The following MTLN variants were observed in gnomAD, a reference collection of about 807,000 sequenced individuals.
MTLN encodes TP53-inhibiting lncRNA.
At chr2:110,211,721 G>A (rs1280354731) in intron 1 of MTLN, 99 bp from the exon 2 acceptor site, 2 of 152,092 alleles carry the variant, frequency 1.3e-5, no homozygotes, top group African/African-American at 4.8e-5. Context: ...TCTGGTTTAC[G>A]ACAAGAAAAC....
intron 1 of MTLN, among the ~76,000 whole-genome samples, chr2:110,211,878 G>A (rs1686108322): frequency 6.6e-6 from 1 of 152,180 alleles, no homozygotes; most frequent in Non-Finnish European, 1.5e-5. Flanking sequence ...TCGCCAAGGC[G>A]AAGATGTGCT....
At chr2:110,211,753 T>C (rs1165614182) in intron 1 of MTLN, 131 bp from the exon 2 acceptor site, 3 of 152,150 alleles carry the variant, frequency 2.0e-5, no homozygotes, top group Admixed American at 6.5e-5. Context: ...AAATTGATCA[T>C]GCACAGCTCT....
Position 110,212,267 on chromosome 2 carries a change from G to A in MTLN, c.*88C>T. The stretch of plus-strand genomic sequence containing the variant: ...CAGGCGGGGACTGTGTGGCAAGCCT[G>A]GTTCTGGGCGCCGGCGGACCGGGGC... On this transcript the variant is annotated 3_prime_UTR_variant, in exon 1 of 2. Coordinates refer to ENST00000611969, the MANE Select transcript of MTLN (RefSeq NM_001384134.1). The A allele has an allele frequency of 2.5e-6, 1 of 398,450 alleles. No homozygotes were observed. Among genetic ancestry groups the A allele is most frequent in the Non-Finnish European group, 4.4e-6 (1 of 226,188 alleles). The allele number at this position is 398,450 out of a possible 1,614,324, so 24.7% of individuals were successfully genotyped here. A position where few individuals can be genotyped will look rare whatever the true frequency, so the allele number is the denominator to read the frequency against.
chr2:110,212,051 C>T (rs1686111037), intron 1 of MTLN, among the ~76,000 whole-genome samples, 164 bp downstream of exon 1: 1 of 152,152 alleles, frequency 6.6e-6, no homozygotes, highest in African/African-American at 2.4e-5. Flanking sequence ...CCCAGTGAAC[C>T]AAACCAAGAT....
At chr2:110,212,012 G>A (rs751965500) in intron 1 of MTLN, among the ~76,000 whole-genome samples, 1 of 152,140 alleles carries the variant, frequency 6.6e-6, no homozygotes, top group Non-Finnish European at 1.5e-5. Context: ...CGACGACATA[G>A]CACGTTGGTA....
At chr2:110,212,049 A>T (rs1686110960) in intron 1 of MTLN, among the ~76,000 whole-genome samples, 166 bp downstream of exon 1, 1 of 152,208 alleles carries the variant, frequency 6.6e-6, no homozygotes, top group African/African-American at 2.4e-5. Context: ...CACCCAGTGA[A>T]CCAAACCAAG....
chr2:110,211,704 C>T (rs1686105665), intron 1 of MTLN, 82 bp from the exon 2 acceptor site: 1 of 152,064 alleles, frequency 6.6e-6, no homozygotes, highest in Admixed American at 6.6e-5. Context: ...AACCATGAAC[C>T]ATAAGATCTG....
intron 1 of MTLN, 99 bp downstream of exon 1, chr2:110,212,116 G>A (rs1037002234): frequency 2.4e-5 from 9 of 371,782 alleles, no homozygotes; most frequent in African/African-American, 1.7e-4. Context: ...GTGTCTGTGG[G>A]AACAAGTCCT....
rs1434726293 is a variant in MTLN, at chr2:110,212,385, C to T, written c.141G>A (p.Ala47=). 2.5e-6 allele frequency: 1 copy of T among 399,160 alleles called. No individual in the cohort carries two copies. The highest frequency in any genetic ancestry group is 4.4e-6 in the Non-Finnish European group (1 of 226,302). 24.7% of individuals were successfully genotyped at this position (399,160 alleles called of 1,614,324 possible). A position where few individuals can be genotyped will look rare whatever the true frequency, so the allele number is the denominator to read the frequency against. Reference sequence around the variant, plus strand: ...CCAGGTCCAGCTTCTTCTGCGTCGCCGCCAGCTTGTCCTGCAGCCTCCTTT... The same window carrying T: ...CCAGGTCCAGCTTCTTCTGCGTCGCTGCCAGCTTGTCCTGCAGCCTCCTTT... ...WRKRRLQDKL[A]ATQKKLDLA is the part of the protein sequence containing the mutation. Residue 47 remains alanine (A), a synonymous_variant, in exon 1 of 2, where the codon GCG becomes GCA. Coordinates refer to ENST00000611969, the MANE Select transcript of MTLN (RefSeq NM_001384134.1).
rs555317647 is a variant in MTLN, at chr2:110,211,575, CAAG to C, written c.*185_*187del. On this transcript the variant is annotated 3_prime_UTR_variant, in exon 2 of 2. Transcript: ENST00000611969. ...AAAAATAAAATTGATTCATAAAGTG[CAAG>C]AAGAAGTCATTTCTTTCCGGTAGTC... 5.3e-4 allele frequency: 80 copies of C among 152,108 alleles called. No individual in the cohort carries two copies. The highest frequency in any genetic ancestry group is 3.4e-3 in the Middle Eastern group (1 of 292). The allele number at this position is 152,108 out of a possible 1,614,324, so 9.4% of individuals were successfully genotyped here. A position where few individuals can be genotyped will look rare whatever the true frequency, so the allele number is the denominator to read the frequency against.
Position 110,212,220 on chromosome 2 carries a change from C to G in MTLN, c.*135G>C. ...TCACTATGTGTACTGCTCACCAACACTCCAGGAAGAGCCGGCCATGGCAGG... is the reference window on the plus strand; with the variant it reads ...TCACTATGTGTACTGCTCACCAACAGTCCAGGAAGAGCCGGCCATGGCAGG... On this transcript the variant is annotated 3_prime_UTR_variant, in exon 1 of 2. Transcript: ENST00000611969. The G allele has an allele frequency of 2.5e-6, 1 of 397,684 alleles. No individual in the cohort carries two copies. Among genetic ancestry groups the G allele is most frequent in the Non-Finnish European group, 4.4e-6 (1 of 225,784 alleles). The allele number at this position is 397,684 out of a possible 1,614,324, so 24.6% of individuals were successfully genotyped here.
rs763491634 is a variant in MTLN at position 110,212,512 on chromosome 2, G to A, written c.14C>T (p.Ser5Leu). 1.8e-5 allele frequency: 7 copies of A among 398,826 alleles called. No homozygotes were observed. Among genetic ancestry groups the A allele is most frequent in the East Asian group, 1.1e-4 (3 of 28,086 alleles). 24.7% of individuals were successfully genotyped at this position (398,826 alleles called of 1,614,324 possible). A position where few individuals can be genotyped will look rare whatever the true frequency, so the allele number is the denominator to read the frequency against. MADVSERTLQLSVLV... is the reference protein window; with the variant it reads MADVLERTLQLSVLV... ...CACGGACAACTGCAGTGTCCTCTCT[G>A]ACACATCCGCCATGGCTGCCGCCGG... The change falls in exon 1 of 2, where the codon TCA (serine) becomes TTA (leucine). Residue 5 changes from serine (S) to leucine (L), a missense_variant. By Grantham distance (145) the Ser-to-Leu change is moderately radical (BLOSUM62 -2). Coordinates refer to ENST00000611969, the MANE Select transcript of MTLN (RefSeq NM_001384134.1).
chr2:110,212,533 G>T lies in MTLN; in HGVS notation c.-8C>A, dbSNP rs1030208650. On this transcript the variant is annotated 5_prime_UTR_variant, in exon 1 of 2. Coordinates refer to ENST00000611969, the MANE Select transcript of MTLN (RefSeq NM_001384134.1). ...CTCTGACACATCCGCCATGGCTGCC[G>T]CCGGCGTGCAGCGCGGTCTACGGCG... 1.9e-4 allele frequency: 77 copies of T among 398,914 alleles called. No homozygotes were observed. The highest frequency in any genetic ancestry group is 1.4e-3 in the African/African-American group (70 of 48,736). 24.7% of individuals were successfully genotyped at this position (398,914 alleles called of 1,614,324 possible). A position where few individuals can be genotyped will look rare whatever the true frequency, so the allele number is the denominator to read the frequency against.
Position 110,212,490 on chromosome 2 carries a change from G to C in MTLN, c.36C>G (p.Ser12=). The C allele has an allele frequency of 2.5e-6, 1 of 398,952 alleles. No individual in the cohort carries two copies. The highest frequency in any genetic ancestry group is 4.4e-6 in the Non-Finnish European group (1 of 226,008). The allele number at this position is 398,952 out of a possible 1,614,324, so 24.7% of individuals were successfully genotyped here. A position where few individuals can be genotyped will look rare whatever the true frequency, so the allele number is the denominator to read the frequency against. The change falls in exon 1 of 2, where the codon TCC becomes TCG. Residue 12 remains serine, a synonymous_variant. Coordinates refer to ENST00000611969, the MANE Select transcript of MTLN (RefSeq NM_001384134.1). The stretch of plus-strand genomic sequence containing the variant: ...CTCCAGAAGCGAAGGCTACTAGCAC[G>C]GACAACTGCAGTGTCCTCTCTGACA... ...ADVSERTLQL[S]VLVAFASGVL...
intron 1 of MTLN, among the ~76,000 whole-genome samples, chr2:110,211,848 A>AT (rs1388222467): frequency 6.6e-6 from 1 of 152,216 alleles, no homozygotes; most frequent in Non-Finnish European, 1.5e-5. Flanking sequence ...CAACCTAAGA[A>AT]TTCAGTTTGG....
intron 1 of MTLN, among the ~76,000 whole-genome samples, 171 bp downstream of exon 1, chr2:110,212,044 A>C (rs1286234473): frequency 1.3e-5 from 2 of 152,204 alleles, no homozygotes; most frequent in Non-Finnish European, 2.9e-5. Context: ...TTAAACACCC[A>C]GTGAACCAAA....
Position 110,212,530 on chromosome 2 carries a change from G to A in MTLN, c.-5C>T, listed in dbSNP as rs1217394167. The A allele has an allele frequency of 2.5e-6, 1 of 398,934 alleles. No homozygotes were observed. 24.7% of individuals were successfully genotyped at this position (398,934 alleles called of 1,614,324 possible). On this transcript the variant is annotated 5_prime_UTR_variant, in exon 1 of 2. Transcript: ENST00000611969. ...CCTCTCTGACACATCCGCCATGGCT[G>A]CCGCCGGCGTGCAGCGCGGTCTACG... is the stretch of plus-strand genomic sequence containing the variant.
rs1002213443 is a variant in MTLN, at chr2:110,212,199, T to A, written c.*140+16A>T. ...CCAAAGTCTCCCTTTGCAATGTCAC[T>A]ATGTGTACTGCTCACCAACACTCCA... On this transcript the variant is annotated intron_variant, in intron 1 of 1. Coordinates refer to ENST00000611969, the MANE Select transcript of MTLN (RefSeq NM_001384134.1). 1.5e-5 allele frequency: 6 copies of A among 396,710 alleles called. No homozygotes were observed. The highest frequency in any genetic ancestry group is 1.2e-4 in the African/African-American group (6 of 48,550). 24.6% of individuals were successfully genotyped at this position (396,710 alleles called of 1,614,324 possible).
At chr2:110,211,762 C>G (rs1686106631) in intron 1 of MTLN, 140 bp from the exon 2 acceptor site, 1 of 152,184 alleles carries the variant, frequency 6.6e-6, no homozygotes, top group Non-Finnish European at 1.5e-5. Context: ...ATGCACAGCT[C>G]TTCTGAAGAG....
Sources: gnomAD v4.1 joint callset for allele counts (sites outside exome capture counted in the v4.1 genomes callset) on GRCh38, gnomAD v4.1.1 for gene constraint, MANE v1.5 for transcripts, NCBI Gene and HGNC (gene_info 2026-07-23, HGNC 2026-07-21) for gene names.